Variants in MAMSTR observed in about 807,000 individuals in gnomAD.
MAMSTR encodes MEF2-activating motif and SAP domain-containing transcriptional regulator.
In MAMSTR, 41 loss-of-function variants were observed where a neutral mutation model predicts 42.7. The observed-to-expected ratio is 0.96, with a 90% CI of 0.75 to 1.25. The LOEUF is 1.25. Among genes scored for constraint, MAMSTR ranks in the 50% most tolerant of loss-of-function variants. The pLI, the probability that MAMSTR is intolerant of heterozygous loss-of-function variation, is 0.00. For missense variants in MAMSTR, 567 were observed against 557.6 expected (o/e 1.02, Z -0.17); for synonymous variants, 265 against 244.1 (o/e 1.09, Z -0.80).
Position 48,715,406 on chromosome 19 carries a change from G to A in MAMSTR, c.281C>T (p.Pro94Leu), listed in dbSNP as rs1312301662. Reference sequence around the variant, plus strand: ...CTGGTGGTATGTCAAGTTCCCCCTGGGCTTGGACTCCCTCCAACGTTGGGA... The same window carrying A: ...CTGGTGGTATGTCAAGTTCCCCCTGAGCTTGGACTCCCTCCAACGTTGGGA... ...KISQRWRESKPRGNLTYHQYM... is the reference protein window; with the variant it reads ...KISQRWRESKLRGNLTYHQYM... The change falls in exon 5 of 10, where the codon CCC (proline) becomes CTC (leucine). Residue 94 changes from proline (P) to leucine (L), a missense_variant. Transcript: ENST00000318083. 6.6e-7 allele frequency: 1 copy of A among 1,514,824 alleles called. No individual in the cohort carries two copies. The highest frequency in any genetic ancestry group is 8.8e-7 in the Non-Finnish European group (1 of 1,137,852). The allele number at this position is 1,514,824 out of a possible 1,614,324, so 93.8% of individuals were successfully genotyped here. A position where few individuals can be genotyped will look rare whatever the true frequency, so the allele number is the denominator to read the frequency against.
downstream of MAMSTR, among the ~76,000 whole-genome samples, chr19:48,708,760 A>G (rs2032687990): frequency 6.6e-6 from 1 of 152,162 alleles, no homozygotes; most frequent in Admixed American, 6.6e-5. Flanking sequence ...GGGGCCTGGC[A>G]GAAGCTGAAA....
downstream of MAMSTR, among the ~76,000 whole-genome samples, chr19:48,707,838 G>GGAAAGAAAGAAAGAAAGAAAGGAAAGAAA (rs2032667404): frequency 3.3e-5 from 3 of 90,994 alleles, no homozygotes; most frequent in African/African-American, 1.4e-4. Flanking sequence ...AAGAAAGAAA[G>GGAAAGAAAGAAAGAAAGAAAGGAAAGAAA]GAAAGAAAGA....
chr19:48,714,412 G>T lies in MAMSTR; in HGVS notation c.677C>A (p.Pro226Gln), dbSNP rs1387463309. Reference protein sequence around the residue: ...REDSPAGAPWPRLKPKALAAA... With the variant: ...REDSPAGAPWQRLKPKALAAA... ...TGCCAGGGCCTTGGGCTTGAGGCGC[G>T]GCCAGGGAGCACCCGCGGGACTGTC... Residue 226 changes from proline to glutamine, a missense_variant, in exon 7 of 10, where the codon CCG becomes CAG. Transcript: ENST00000318083. 1.4e-6 allele frequency: 2 copies of T among 1,390,028 alleles called. No homozygotes were observed. The highest frequency in any genetic ancestry group is 3.3e-5 in the South Asian group (2 of 60,400). The allele number at this position is 1,390,028 out of a possible 1,614,324, so 86.1% of individuals were successfully genotyped here. A position where few individuals can be genotyped will look rare whatever the true frequency, so the allele number is the denominator to read the frequency against.
At chr19:48,705,877 C>T in the MAMSTR span, 1 of 166,516 alleles carries the variant, frequency 6.0e-6, no homozygotes. Context: ...GCACTGCGGC[C>T]TGGACGACGT....
downstream of MAMSTR, among the ~76,000 whole-genome samples, chr19:48,711,970 A>G (rs1008508982): frequency 1.3e-5 from 2 of 151,410 alleles, no homozygotes; most frequent in Non-Finnish European, 2.9e-5. Context: ...GTTAGCCAGG[A>G]TGGTCTCGAT....
chr19:48,719,310 G>C lies in MAMSTR; in HGVS notation c.-21-258C>G, dbSNP rs989885567. ...AGACAGGGCTGAGGGTCTCAACCCTGGGATCCTGGGAGGGGAGGGACCTGG... is the reference window on the plus strand; with the variant it reads ...AGACAGGGCTGAGGGTCTCAACCCTCGGATCCTGGGAGGGGAGGGACCTGG... On this transcript the variant is annotated intron_variant, in intron 1 of 9. Coordinates refer to ENST00000318083, the MANE Select transcript of MAMSTR (RefSeq NM_001130915.2). This position sits in a 1 kb window ranked among gnomAD's most constrained non-coding sequence, Gnocchi z 4.4. Among the ~76,000 whole-genome samples, 4 of 152,088 alleles carry C rather than the reference G, an allele frequency of 2.6e-5. No homozygotes were observed. The highest frequency in any genetic ancestry group is 9.7e-5 in the African/African-American group (4 of 41,416).
At chr19:48,713,694 A>G in intron 9 of MAMSTR, 22 bp downstream of exon 9, 1 of 1,614,008 alleles carries the variant, frequency 6.2e-7, no homozygotes, top group Non-Finnish European at 8.5e-7. Flanking sequence ...ACCTCCCCTA[A>G]ATCTAGCAGT....
At chr19:48,718,656 C>T (rs1033073978) in intron 2 of MAMSTR, among the ~76,000 whole-genome samples, 2 of 152,252 alleles carry the variant, frequency 1.3e-5, no homozygotes, top group Middle Eastern at 3.4e-3. Context: ...CACACTGGTC[C>T]TCTGAGGTCC....
At chr19:48,713,647 C>T in intron 9 of MAMSTR, 69 bp downstream of exon 9, 1 of 1,608,546 alleles carries the variant, frequency 6.2e-7, no homozygotes, top group Non-Finnish European at 8.5e-7. Context: ...CCAGCTCACG[C>T]CTCCCTTGGA....
At chr19:48,707,253 C>A in the MAMSTR span, among the ~76,000 whole-genome samples, 1 of 151,420 alleles carries the variant, frequency 6.6e-6, no homozygotes, top group Middle Eastern at 3.4e-3. Context: ...CCTGCCTCTA[C>A]TAAAAATACA....
downstream of MAMSTR, among the ~76,000 whole-genome samples, chr19:48,712,422 TC>T (rs1568465412): frequency 2.7e-5 from 4 of 149,456 alleles, no homozygotes; most frequent in African/African-American, 1.0e-4. Context: ...TTTTTCTCTC[TC>T]TCTTTTTTTT....
chr19:48,706,851 CT>C, the MAMSTR span, among the ~76,000 whole-genome samples: 1 of 152,062 alleles, frequency 6.6e-6, no homozygotes, highest in African/African-American at 2.4e-5. Flanking sequence ...AATCCCAACA[CT>C]TTGGGAGGCC....
intron 2 of MAMSTR, 60 bp downstream of exon 2, chr19:48,718,914 C>A: frequency 4.4e-6 from 6 of 1,353,716 alleles, no homozygotes; most frequent in East Asian, 5.1e-5. Context: ...TCCCTTCCCA[C>A]CCCAGAGTAC....
intron 4 of MAMSTR, 86 bp from the exon 5 acceptor site, chr19:48,715,532 C>T (rs2032977358): frequency 4.1e-6 from 6 of 1,472,120 alleles, no homozygotes; most frequent in Middle Eastern, 1.8e-4. Flanking sequence ...GGGGTCAGCT[C>T]GGTGCCACCG....
At chr19:48,715,508 T>A in intron 4 of MAMSTR, 62 bp from the exon 5 acceptor site, 1 of 1,464,064 alleles carries the variant, frequency 6.8e-7, no homozygotes. Flanking sequence ...GCCCCAGGAC[T>A]ACATGCAAAG....
downstream of MAMSTR, among the ~76,000 whole-genome samples, chr19:48,709,294 A>T (rs1446597205): frequency 1.3e-5 from 2 of 152,024 alleles, no homozygotes; most frequent in African/African-American, 4.8e-5. Context: ...GATTACAGGC[A>T]TGCACCACCA....
the MAMSTR span, among the ~76,000 whole-genome samples, chr19:48,707,308 C>T: frequency 5.9e-5 from 9 of 151,492 alleles, no homozygotes; most frequent in East Asian, 1.9e-4. Flanking sequence ...CCCAGCTACT[C>T]GGGAGGCTGA....
downstream of MAMSTR, among the ~76,000 whole-genome samples, chr19:48,710,414 CTTTT>C (rs551847729): frequency 9.6e-5 from 10 of 103,770 alleles, no homozygotes; most frequent in Admixed American, 4.3e-4. Context: ...TGGGCCCAAT[CTTTT>C]TTTTTTTTTT....
Position 48,714,849 on chromosome 19 carries a change from G to A in MAMSTR, c.485C>T (p.Pro162Leu), listed in dbSNP as rs373516785. The A allele has an allele frequency of 1.2e-5, 19 of 1,611,068 alleles. No homozygotes were observed. The highest frequency in any genetic ancestry group is 8.0e-5 in the African/African-American group (6 of 74,652). The stretch of plus-strand genomic sequence containing the variant: ...AAGGGTCTGAAGTTCCAACTTGTGT[G>A]GGGGGGGCGAGGGGCTAGGGACTCC... The part of the protein sequence containing the change: ...PPGVPSPSPP[P>L]HKLELQTLKL... Residue 162 changes from proline (P) to leucine (L), a missense_variant, in exon 6 of 10, where the codon CCA (proline) becomes CTA (leucine). Coordinates refer to ENST00000318083, the MANE Select transcript of MAMSTR (RefSeq NM_001130915.2).
Sources: gnomAD v4.1 joint callset for allele counts (sites outside exome capture counted in the v4.1 genomes callset) on GRCh38, gnomAD v4.1.1 for gene constraint, Gnocchi (gnomAD v3.1) non-coding constraint, MANE v1.5 for transcripts, NCBI Gene and HGNC (gene_info 2026-07-23, HGNC 2026-07-21) for gene names.